SNURF: variants seen among roughly 807,000 people sequenced by gnomAD.
The protein encoded by SNURF is SNURF protein.
A neutral mutation model predicts 11.6 loss-of-function variants in SNURF; 6 were observed. That is an observed-to-expected ratio of 0.52 (90% CI 0.28 to 1.02). The LOEUF (loss-of-function observed/expected upper bound fraction) is 1.02, where lower values mean the gene tolerates loss of function less well. Among genes scored for constraint, SNURF ranks in the 50% least tolerant of loss-of-function variants. The pLI, the probability that SNURF is intolerant of heterozygous loss-of-function variation, is 0.09. For synonymous variants in SNURF, 29 were observed against 31.6 expected (o/e 0.92, Z 0.27); for missense variants, 84 against 88.4 (o/e 0.95, Z 0.20).
intron 1 of SNURF, among the ~76,000 whole-genome samples, chr15:24,955,501 C>T (rs1268764706): frequency 6.8e-6 from 1 of 146,316 alleles, no homozygotes; most frequent in Non-Finnish European, 1.5e-5. Flanking sequence ...GTGATTGTGG[C>T]GGGGCGAAGG....
chr15:24,964,521 C>A (rs1209693834), intron 2 of SNURF, among the ~76,000 whole-genome samples: 1 of 152,040 alleles, frequency 6.6e-6, no homozygotes, highest in Non-Finnish European at 1.5e-5. Context: ...CTCGAACTCC[C>A]GACCTCAGAT....
intron 3 of SNURF, chr15:24,974,829 G>C (rs1303500099): frequency 2.9e-6 from 2 of 678,800 alleles, no homozygotes; most frequent in Non-Finnish European, 5.4e-6. Flanking sequence ...AAAGTGCTGG[G>C]ATTACAGGCA....
At chr15:24,974,229 A>G (rs1032191750) in intron 3 of SNURF, 11 of 572,608 alleles carry the variant, frequency 1.9e-5, no homozygotes, top group Middle Eastern at 2.7e-4. Flanking sequence ...CGTGTCTGTC[A>G]TAGTGATTTT....
At chr15:24,966,742 T>C (rs1277202235) in intron 2 of SNURF, among the ~76,000 whole-genome samples, 4 of 152,198 alleles carry the variant, frequency 2.6e-5, no homozygotes, top group African/African-American at 7.2e-5. Flanking sequence ...TTCTTTATTA[T>C]ACAGAAGCAA....
intron 1 of SNURF, among the ~76,000 whole-genome samples, chr15:24,957,929 A>G (rs1307822803): frequency 3.9e-5 from 6 of 152,082 alleles, no homozygotes; most frequent in African/African-American, 1.2e-4. Flanking sequence ...TCTGTGTCCT[A>G]CTCAGTGAAT....
downstream of SNURF, among the ~76,000 whole-genome samples, chr15:24,969,783 G>C (rs914061042): frequency 6.6e-6 from 1 of 152,100 alleles, no homozygotes; most frequent in Admixed American, 6.6e-5. Context: ...CCCATTACTA[G>C]TATTCCTGTA....
chr15:24,955,577 T>G (rs1596146927), intron 1 of SNURF, among the ~76,000 whole-genome samples: 1 of 108,090 alleles, frequency 9.3e-6, no homozygotes, highest in Non-Finnish European at 1.9e-5. Flanking sequence ...GACCACTGCG[T>G]GGTGGAGCAG....
chr15:24,978,506 AGT>A (rs2077318403), downstream of SNURF: 5 of 1,443,488 alleles, frequency 3.5e-6, no homozygotes, highest in Admixed American at 1.7e-5. Flanking sequence ...AATTGTGTAG[AGT>A]GTTTGTGAGC....
chr15:24,956,972 A>C (rs1408503409), intron 1 of SNURF, among the ~76,000 whole-genome samples: 1 of 152,144 alleles, frequency 6.6e-6, no homozygotes, highest in Admixed American at 6.5e-5. Flanking sequence ...AATGATAGAG[A>C]TTTTAAATTG....
chr15:24,966,237 G>A (rs1319316195), intron 2 of SNURF, among the ~76,000 whole-genome samples: 1 of 152,068 alleles, frequency 6.6e-6, no homozygotes, highest in Non-Finnish European at 1.5e-5. Context: ...AATTGACTAA[G>A]GTTTTATAAA....
At chr15:24,977,792 G>A (rs1206178375) in exon 7 of SNURF, 7 of 1,611,316 alleles carry the variant, frequency 4.3e-6, no homozygotes, top group Non-Finnish European at 8.5e-7. Context: ...TGACTCCACA[G>A]GGAAGAGGCA....
intron 1 of SNURF, among the ~76,000 whole-genome samples, chr15:24,961,890 A>T (rs1050416248): frequency 1.3e-5 from 2 of 152,208 alleles, no homozygotes; most frequent in Admixed American, 6.5e-5. Context: ...GATTTTTTTT[A>T]AAACCAGATT....
chr15:24,976,171 G>T (rs2077039706), intron 4 of SNURF: 11 of 680,854 alleles, frequency 1.6e-5, no homozygotes, highest in Admixed American at 1.1e-4. Flanking sequence ...GATATTTTTT[G>T]GCTTGTTTTT....
chr15:24,955,267 T>C (rs934098068), intron 1 of SNURF, among the ~76,000 whole-genome samples: 1 of 151,758 alleles, frequency 6.6e-6, no homozygotes, highest in South Asian at 2.1e-4. Flanking sequence ...TCCGCTCGCA[T>C]TGGGGCGCGT....
chr15:24,965,845 T>C (rs2153546121), intron 2 of SNURF, among the ~76,000 whole-genome samples: 1 of 152,052 alleles, frequency 6.6e-6, no homozygotes, highest in East Asian at 1.9e-4. Context: ...GAGAATTATC[T>C]TACGTTTCAA....
intron 2 of SNURF, among the ~76,000 whole-genome samples, chr15:24,965,199 G>A (rs1462225356): frequency 6.6e-6 from 1 of 152,104 alleles, no homozygotes; most frequent in East Asian, 1.9e-4. Flanking sequence ...AGTAGTATTG[G>A]GAGGCAGTCT....
At chr15:24,965,272 T>G (rs1018459935) in intron 2 of SNURF, among the ~76,000 whole-genome samples, 3 of 152,158 alleles carry the variant, frequency 2.0e-5, no homozygotes, top group African/African-American at 7.2e-5. Flanking sequence ...GTGCGGTGGC[T>G]CACGCCTGTA....
downstream of SNURF, among the ~76,000 whole-genome samples, chr15:24,971,571 C>T (rs990533222): frequency 1.3e-5 from 2 of 151,172 alleles, no homozygotes; most frequent in African/African-American, 4.9e-5. Context: ...ATAATCTGTC[C>T]CTAATTCTCT....
chr15:24,977,778 G>A (rs777534123), exon 7 of SNURF: 2 of 1,597,704 alleles, frequency 1.3e-6, no homozygotes, highest in South Asian at 2.3e-5. Flanking sequence ...GCCTTCTCAG[G>A]TAATGACTCC....
Sources: gnomAD v4.1 joint callset for allele counts (sites outside exome capture counted in the v4.1 genomes callset) on GRCh38, gnomAD v4.1.1 for gene constraint, MANE v1.5 for transcripts, NCBI Gene and HGNC (gene_info 2026-07-23, HGNC 2026-07-21) for gene names.